CEP192: variants seen among roughly 807,000 people sequenced by gnomAD.
The protein encoded by CEP192 is centrosomal protein 192, also known as centrosomal protein of 192 kDa.
Under a neutral mutation model 271.8 loss-of-function variants are expected in CEP192, and 151 were observed. The observed-to-expected ratio is 0.56, with a 90% CI of 0.49 to 0.64. CEP192 has a LOEUF of 0.64. Ranked by LOEUF, CEP192 falls within the 30% of genes least tolerant of loss-of-function variation. The probability of loss-of-function intolerance (pLI) is 0.00; values close to 1 mark genes in which losing one functional copy is unlikely to be tolerated. For synonymous variants in CEP192, 995 were observed against 1,076.5 expected (o/e 0.92, Z 1.48); for missense variants, 2,910 against 3,020.5 (o/e 0.96, Z 0.86).
intron 6 of CEP192, among the ~76,000 whole-genome samples, chr18:13,016,379 G>A (rs1250555422): frequency 1.3e-5 from 2 of 152,142 alleles, no homozygotes; most frequent in Non-Finnish European, 2.9e-5. Context: ...ACCTATAGGA[G>A]GCCACACTGG....
At chr18:13,119,169 T>C (rs995194248) in intron 44 of CEP192, among the ~76,000 whole-genome samples, 2 of 152,394 alleles carry the variant, frequency 1.3e-5, no homozygotes, top group South Asian at 2.1e-4. Context: ...CATTTAAATT[T>C]CTAATTGTTG....
At chr18:13,006,217 A>G (rs556848481) in intron 3 of CEP192, among the ~76,000 whole-genome samples, 1 of 150,340 alleles carries the variant, frequency 6.7e-6, no homozygotes, top group South Asian at 2.1e-4. Context: ...TTTTTTTCTC[A>G]TGCTCATTAA....
chr18:13,116,591 T>C (rs2040441254), intron 43 of CEP192, 88 bp downstream of exon 43: 11 of 1,293,486 alleles, frequency 8.5e-6, no homozygotes, highest in Non-Finnish European at 1.2e-5. Context: ...CTGTAGACTA[T>C]ATTTAAGTTG....
chr18:13,056,758 A>G, intron 19 of CEP192, 60 bp downstream of exon 19: 8 of 1,385,136 alleles, frequency 5.8e-6, no homozygotes, highest in Non-Finnish European at 7.9e-6. Flanking sequence ...GACACCACAA[A>G]GCTAGTTTGT....
chr18:13,011,744 G>A (rs545127870), intron 4 of CEP192, among the ~76,000 whole-genome samples: 7 of 152,224 alleles, frequency 4.6e-5, no homozygotes, highest in Non-Finnish European at 5.9e-5. Flanking sequence ...GGCTGGTCTC[G>A]AACTCCTGAT....
At chr18:13,099,617 G>T in intron 37 of CEP192, 36 bp downstream of exon 37, 1 of 1,018,030 alleles carries the variant, frequency 9.8e-7, no homozygotes, top group Admixed American at 2.4e-5. Context: ...TTTTTTGAGT[G>T]ACAATTCTGT....
At chr18:13,040,785 G>T in intron 13 of CEP192, 45 bp from the exon 14 acceptor site, 1 of 1,477,256 alleles carries the variant, frequency 6.8e-7, no homozygotes, top group Non-Finnish European at 9.2e-7. Flanking sequence ...ATTTCTCAAA[G>T]CAGTTGAAAA....
At chr18:12,991,669 C>T (rs896385901) in intron 1 of CEP192, among the ~76,000 whole-genome samples, 2 of 152,270 alleles carry the variant, frequency 1.3e-5, no homozygotes, top group African/African-American at 4.8e-5. Flanking sequence ...TAATTGCACG[C>T]CTCTGTGTCA....
At chr18:12,994,035 C>G (rs1462312719) in intron 1 of CEP192, among the ~76,000 whole-genome samples, 1 of 152,180 alleles carries the variant, frequency 6.6e-6, no homozygotes, top group Non-Finnish European at 1.5e-5. Flanking sequence ...TACCCACTGA[C>G]TGAGAATGTT....
chr18:13,028,230 A>G (rs911691038), intron 9 of CEP192, among the ~76,000 whole-genome samples: 3 of 152,228 alleles, frequency 2.0e-5, no homozygotes, highest in African/African-American at 7.2e-5. Context: ...TGATACAGAC[A>G]TTGGTCATTG....
intron 41 of CEP192, 36 bp downstream of exon 41, chr18:13,113,741 T>C: frequency 1.3e-6 from 2 of 1,554,486 alleles, no homozygotes; most frequent in Non-Finnish European, 1.7e-6. Flanking sequence ...AATTATTGTA[T>C]GTATTTTAAA....
At chr18:13,068,464 C>G (rs1407858627) in intron 24 of CEP192, 42 bp downstream of exon 24, 3 of 1,357,272 alleles carry the variant, frequency 2.2e-6, no homozygotes, top group East Asian at 4.6e-5. Context: ...TAATCTGTAG[C>G]TAGATAAACT....
chr18:13,073,248 T>C, intron 30 of CEP192, 63 bp downstream of exon 30: 1 of 1,375,778 alleles, frequency 7.3e-7, no homozygotes, highest in Non-Finnish European at 1.0e-6. Context: ...ACTATTGGTT[T>C]AATGTTGTAA....
Position 13,118,183 on chromosome 18 carries a change from T to TG in CEP192, c.7475+543dup, listed in dbSNP as rs544339832. Among the ~76,000 whole-genome samples the TG allele has an allele frequency of 7.2e-5, 11 of 152,358 alleles. No individual in the cohort carries two copies. The East Asian group carries it at 1.3e-3, about 19-fold the overall frequency. On this transcript the variant is annotated intron_variant, in intron 44 of 44. Transcript: ENST00000506447. Reference sequence around the variant, plus strand: ...TGCACATTTAGGTTGAACCTCGAACTGGGTTGTCACTGTTATTTAGAACTT... The same window carrying TG: ...TGCACATTTAGGTTGAACCTCGAACTGGGGTTGTCACTGTTATTTAGAACTT...
chr18:13,044,093 G>C (rs76949589), intron 15 of CEP192, among the ~76,000 whole-genome samples: 6,629 of 151,928 alleles, frequency 0.044, 214 homozygotes, highest in East Asian at 0.14. Flanking sequence ...TTAATATTAT[G>C]TTTCTTAACT....
chr18:13,006,358 C>G (rs868515365), intron 3 of CEP192, among the ~76,000 whole-genome samples: 4 of 151,974 alleles, frequency 2.6e-5, no homozygotes, highest in Middle Eastern at 3.4e-3. Context: ...CACTTATAAG[C>G]AGATTTCTTT....
In CEP192 at chr18:13,113,596, C is replaced by T; in HGVS notation, c.7058C>T (p.Thr2353Ile). Residue 2353 changes from threonine (T) to isoleucine (I), a missense_variant, in exon 41 of 45, where the codon ACA (threonine) becomes ATA (isoleucine). Physicochemically the swap from Thr to Ile is moderately conservative, Grantham distance 89 (BLOSUM62 -1). Transcript: ENST00000506447. ...GTATGTATTTCGTAGGTCTCCATCA[C>T]ATTTTTGCCCAGAGGTAGGGGGGAT... The part of the protein sequence containing the change: ...ESHGIQKVSI[T>I]FLPRGRGDYA... The T allele has an allele frequency of 6.2e-7, 1 of 1,613,158 alleles. No homozygotes were observed. The highest frequency in any genetic ancestry group is 2.2e-5 in the East Asian group (1 of 44,868).
intron 5 of CEP192, 149 bp from the exon 6 acceptor site, chr18:13,015,179 A>G: frequency 1.4e-6 from 1 of 690,928 alleles, no homozygotes; most frequent in Non-Finnish European, 2.3e-6. Context: ...ATACATGTAC[A>G]ATTGCTAGCC....
In CEP192 at chr18:13,081,799, G is replaced by A. The variant is rs550025839; in HGVS notation, c.5617-5218G>A. On this transcript the variant is annotated intron_variant, in intron 30 of 44. Transcript: ENST00000506447. ...AAATGTGTCCCAGAGATTCTGGTAC[G>A]TTGTGTCTTTGTTCTCATTGGTTTC... Among the ~76,000 whole-genome samples the A allele has an allele frequency of 7.2e-5, 11 of 152,284 alleles. No individual in the cohort carries two copies. In the East Asian group the frequency reaches 1.5e-3, roughly 21 times the overall value.
Sources: allele counts gnomAD v4.1 joint callset (sites outside exome capture counted in the v4.1 genomes callset), GRCh38; gene constraint gnomAD v4.1.1; transcripts MANE v1.5; gene names NCBI Gene and HGNC (gene_info 2026-07-23, HGNC 2026-07-21).